The following ATP8A1 variants were observed in gnomAD, a reference collection of about 807,000 sequenced individuals.
ATP8A1 encodes the protein ATPase phospholipid transporting 8A1.
In ATP8A1, 90 loss-of-function variants were observed where a neutral mutation model predicts 177.7. The ratio of observed to expected loss-of-function variants is 0.51; its 90% confidence interval spans 0.43 to 0.60. The LOEUF (loss-of-function observed/expected upper bound fraction) is 0.60, where lower values mean the gene tolerates loss of function less well. ATP8A1 is among the 20% of genes least tolerant of loss of function. The pLI, the probability that ATP8A1 is intolerant of heterozygous loss-of-function variation, is 0.00. For missense variants in ATP8A1, 1,072 were observed against 1,392.8 expected, an observed-to-expected ratio of 0.77 and a Z score of 3.67; for synonymous variants, 493 against 485.9, an observed-to-expected ratio of 1.01 and a Z score of -0.19.
At chr4:42,512,702 G>A (rs1265031831) in intron 22 of ATP8A1, among the ~76,000 whole-genome samples, 1 of 152,124 alleles carries the variant, frequency 6.6e-6, no homozygotes, top group Non-Finnish European at 1.5e-5. Context: ...AATCTAGATG[G>A]TGCTTTTCAA....
chr4:42,619,898 T>G (rs1443044299), intron 4 of ATP8A1, among the ~76,000 whole-genome samples: 2 of 152,076 alleles, frequency 1.3e-5, no homozygotes, highest in African/African-American at 4.8e-5. Context: ...TTCCATCCCC[T>G]CTCCCCACCC....
intron 1 of ATP8A1, among the ~76,000 whole-genome samples, chr4:42,656,330 G>C (rs1394427742): frequency 6.6e-6 from 1 of 152,210 alleles, no homozygotes; most frequent in Non-Finnish European, 1.5e-5. Flanking sequence ...GTAATGCAGG[G>C]AACCCACTCG....
chr4:42,490,488 C>T (rs1722634013), intron 24 of ATP8A1, among the ~76,000 whole-genome samples: 1 of 152,136 alleles, frequency 6.6e-6, no homozygotes. Flanking sequence ...CAAATTTGGC[C>T]CCTGTCACTT....
intron 33 of ATP8A1, among the ~76,000 whole-genome samples, chr4:42,438,573 T>C (rs1258408179): frequency 1.3e-5 from 2 of 152,146 alleles, no homozygotes; most frequent in African/African-American, 4.8e-5. Context: ...GGGGGAATTA[T>C]AACTCTGGGC....
At chr4:42,557,128 C>T (rs1389801938) in intron 15 of ATP8A1, among the ~76,000 whole-genome samples, 2 of 152,182 alleles carry the variant, frequency 1.3e-5, no homozygotes, top group African/African-American at 4.8e-5. Flanking sequence ...TAATGGAACA[C>T]ATATCTACAT....
intron 17 of ATP8A1, among the ~76,000 whole-genome samples, chr4:42,551,558 T>C (rs1411808814): frequency 6.6e-6 from 1 of 152,210 alleles, no homozygotes; most frequent in Non-Finnish European, 1.5e-5. Context: ...TTAATTTAAA[T>C]GTACCCTTTC....
At chr4:42,543,431 T>C (rs1289180188) in intron 20 of ATP8A1, among the ~76,000 whole-genome samples, 2 of 152,188 alleles carry the variant, frequency 1.3e-5, no homozygotes, top group East Asian at 3.8e-4. Flanking sequence ...CATATTACTA[T>C]TTCTGTCAAT....
intron 19 of ATP8A1, among the ~76,000 whole-genome samples, chr4:42,544,293 T>C (rs1186240935): frequency 6.6e-6 from 1 of 152,192 alleles, no homozygotes; most frequent in Non-Finnish European, 1.5e-5. Context: ...TGTTTTCGGA[T>C]TTGAAAAAAT....
intron 30 of ATP8A1, among the ~76,000 whole-genome samples, chr4:42,449,191 C>T (rs545307275): frequency 6.6e-6 from 1 of 152,316 alleles, no homozygotes; most frequent in South Asian, 2.1e-4. Context: ...GTCTCTGGTT[C>T]AATCCAGAAG....
At chr4:42,567,764 C>A (rs547311555) in intron 15 of ATP8A1, among the ~76,000 whole-genome samples, 1 of 152,318 alleles carries the variant, frequency 6.6e-6, no homozygotes, top group East Asian at 1.9e-4. Context: ...AACATCCGCT[C>A]TTTCCAGCAC....
chr4:42,644,971 A>G (rs1025421562), intron 1 of ATP8A1, among the ~76,000 whole-genome samples: 9 of 152,194 alleles, frequency 5.9e-5, no homozygotes, highest in East Asian at 3.8e-4. Context: ...ATGACTAAAT[A>G]TTTGGGCTAC....
intron 33 of ATP8A1, among the ~76,000 whole-genome samples, chr4:42,426,539 C>T (rs1057431428): frequency 6.6e-6 from 1 of 152,200 alleles, no homozygotes; most frequent in African/African-American, 2.4e-5. Flanking sequence ...AGAAACTTCT[C>T]AGTCTCAGTT....
intron 1 of ATP8A1, among the ~76,000 whole-genome samples, chr4:42,645,264 G>C (rs1740417424): frequency 6.6e-6 from 1 of 152,156 alleles, no homozygotes; most frequent in Non-Finnish European, 1.5e-5. Context: ...AGTATAATTA[G>C]TCCTATTAGC....
chr4:42,471,760 A>T (rs1720443044), intron 25 of ATP8A1: 1 of 406,310 alleles, frequency 2.5e-6, no homozygotes, highest in Non-Finnish European at 4.7e-6. Flanking sequence ...AGGCAGAATT[A>T]AAAATGGTAG....
At chr4:42,551,491 C>CA (rs1423855516) in intron 17 of ATP8A1, among the ~76,000 whole-genome samples, 1 of 152,146 alleles carries the variant, frequency 6.6e-6, no homozygotes, top group Non-Finnish European at 1.5e-5. Context: ...ATACAGAACT[C>CA]AGAGTTACAT....
rs755370214 is a variant in ATP8A1 at position 42,446,671 on chromosome 4, A to G, written c.2897-27T>C. On this transcript the variant is annotated intron_variant, in intron 30 of 36. Transcript: ENST00000381668. ...TGTACGAAAAGGAGAGGCCTATTAG[A>G]AAGGAAAATGAGATTCTTTCAGAAT... 9 of 1,591,448 alleles carry G rather than the reference A, an allele frequency of 5.7e-6. No individual in the cohort carries two copies. The Admixed American group carries it at 1.5e-4, about 27-fold the overall frequency.
At chr4:42,557,236 G>A (rs1272722668) in intron 15 of ATP8A1, among the ~76,000 whole-genome samples, 1 of 152,102 alleles carries the variant, frequency 6.6e-6, no homozygotes, top group Non-Finnish European at 1.5e-5. Flanking sequence ...GGGGGCCAAA[G>A]TGAACACGTC....
At chr4:42,456,366 C>T (rs1333144905) in intron 27 of ATP8A1, among the ~76,000 whole-genome samples, 3 of 151,928 alleles carry the variant, frequency 2.0e-5, no homozygotes, top group Non-Finnish European at 1.5e-5. Flanking sequence ...CTTAATAGTT[C>T]TTGATAACCA....
At chr4:42,468,806 T>C (rs570057007) in intron 25 of ATP8A1, among the ~76,000 whole-genome samples, 29 of 152,254 alleles carry the variant, frequency 1.9e-4, no homozygotes, top group African/African-American at 5.8e-4. Flanking sequence ...TCAAAACCTA[T>C]GGAAATAAAA....
Sources: allele counts gnomAD v4.1 joint callset (sites outside exome capture counted in the v4.1 genomes callset), GRCh38; gene constraint gnomAD v4.1.1; transcripts MANE v1.5; gene names NCBI Gene and HGNC (gene_info 2026-07-23, HGNC 2026-07-21).